RBBP8: variants seen among roughly 807,000 people sequenced by gnomAD.
The protein encoded by RBBP8 is DNA endonuclease RBBP8.
Under a neutral mutation model 108.3 loss-of-function variants are expected in RBBP8, and 88 were observed. The ratio of observed to expected loss-of-function variants is 0.81; its 90% CI spans 0.68 to 0.97. The LOEUF (loss-of-function observed/expected upper bound fraction) is 0.97, where lower values mean the gene tolerates loss of function less well. Among genes scored for constraint, RBBP8 ranks in the 50% least tolerant of loss-of-function variants. The pLI is 0.00. For synonymous variants in RBBP8, 332 were observed against 348.2 expected, an observed-to-expected ratio of 0.95 and a Z score of 0.52; for missense variants, 1,023 against 1,049.0, an observed-to-expected ratio of 0.98 and a Z score of 0.34.
Position 22,997,685 on chromosome 18 carries a change from C to G in RBBP8, c.2094C>G (p.Thr698=). ...VDMDCTLVSE[T]VLLKMKKQEQ... ...TGGACTGTACATTGGTTAGTGAAAC[C>G]GTTCTCTTAAAAATGAAGAAGCAAG... Residue 698 remains threonine, a synonymous_variant, in exon 14 of 19, where the codon ACC becomes ACG. Coordinates refer to ENST00000327155, the MANE Select transcript of RBBP8 (RefSeq NM_002894.3). The G allele has an allele frequency of 6.2e-7, 1 of 1,609,416 alleles. No homozygotes were observed. The highest frequency in any genetic ancestry group is 2.2e-5 in the East Asian group (1 of 44,704).
intron 5 of RBBP8, among the ~76,000 whole-genome samples, chr18:22,974,938 A>G (rs1567971379): frequency 6.6e-6 from 1 of 152,182 alleles, no homozygotes; most frequent in African/African-American, 2.4e-5. Context: ...TTATCAGTTA[A>G]TCAGTTACAT....
chr18:22,969,156 A>G (rs1913877014), intron 5 of RBBP8, among the ~76,000 whole-genome samples: 1 of 151,812 alleles, frequency 6.6e-6, no homozygotes, highest in Admixed American at 6.6e-5. Flanking sequence ...CATCAGTTGT[A>G]AGACAAGAAG....
chr18:23,022,078 C>A, intron 17 of RBBP8, 51 bp from the exon 18 acceptor site: 1 of 1,404,642 alleles, frequency 7.1e-7, no homozygotes. Context: ...ATAAGCATAA[C>A]ACTCCATTTA....
intron 1 of RBBP8, 80 bp from the exon 2 acceptor site, chr18:22,936,674 C>T (rs1015459982): frequency 6.1e-6 from 4 of 660,622 alleles, no homozygotes; most frequent in Non-Finnish European, 1.0e-5. Flanking sequence ...ATGAGGATAT[C>T]TGGGCTTGTG....
intron 2 of RBBP8, among the ~76,000 whole-genome samples, chr18:22,941,977 T>C (rs1911119573): frequency 6.6e-6 from 1 of 152,152 alleles, no homozygotes. Context: ...GTTTGGGCCA[T>C]GCCTTCGTCA....
chr18:22,968,945 T>G (rs760434548), intron 5 of RBBP8, 27 bp downstream of exon 5: 1 of 1,502,876 alleles, frequency 6.7e-7, no homozygotes, highest in Non-Finnish European at 9.2e-7. Flanking sequence ...CATTTATTAT[T>G]TAAAGTATGT....
At chr18:22,941,728 AG>A (rs1911099725) in intron 2 of RBBP8, among the ~76,000 whole-genome samples, 1 of 152,046 alleles carries the variant, frequency 6.6e-6, no homozygotes, top group African/African-American at 2.4e-5. Flanking sequence ...TTCCCACAAA[AG>A]TTTCTATACT....
intron 3 of RBBP8, among the ~76,000 whole-genome samples, chr18:22,923,183 C>A (rs1263012037): frequency 1.3e-5 from 2 of 152,074 alleles, no homozygotes; most frequent in Non-Finnish European, 2.9e-5. Flanking sequence ...TATCAACAAT[C>A]CTGCAAAACA....
intron 12 of RBBP8, among the ~76,000 whole-genome samples, chr18:22,995,663 T>C (rs1332675578): frequency 1.3e-5 from 2 of 152,248 alleles, no homozygotes; most frequent in African/African-American, 4.8e-5. Flanking sequence ...TCGTTTAATA[T>C]ATGATCTTTT....
At chr18:22,984,094 A>G (rs567439855) in intron 7 of RBBP8, among the ~76,000 whole-genome samples, 2 of 152,026 alleles carry the variant, frequency 1.3e-5, no homozygotes, top group Non-Finnish European at 2.9e-5. Flanking sequence ...AATAATAATA[A>G]TAATAATAAT....
At chr18:22,925,039 C>T (rs1392686167) in intron 3 of RBBP8, among the ~76,000 whole-genome samples, 1 of 151,918 alleles carries the variant, frequency 6.6e-6, no homozygotes, top group African/African-American at 2.4e-5. Flanking sequence ...AACACTGAAC[C>T]CAGCTAGATT....
intron 2 of RBBP8, among the ~76,000 whole-genome samples, chr18:22,945,063 A>G (rs543537124): frequency 2.0e-5 from 3 of 146,410 alleles, no homozygotes; most frequent in African/African-American, 7.4e-5. Context: ...GTGAACTACC[A>G]AAGGCATATA....
At chr18:22,967,445 A>AT (rs1913708833) in intron 4 of RBBP8, among the ~76,000 whole-genome samples, 1 of 150,890 alleles carries the variant, frequency 6.6e-6, no homozygotes, top group African/African-American at 2.4e-5. Flanking sequence ...TTTTAACTGT[A>AT]TTTTTTTCTG....
intron 18 of RBBP8, among the ~76,000 whole-genome samples, chr18:23,025,741 C>A (rs1357497213): frequency 2.0e-5 from 3 of 152,162 alleles, no homozygotes; most frequent in Admixed American, 6.5e-5. Context: ...CTATGGGAGG[C>A]AGAATAGGAA....
intron 7 of RBBP8, 89 bp from the exon 8 acceptor site, chr18:22,984,797 A>G (rs1175795246): frequency 5.2e-5 from 39 of 757,236 alleles, no homozygotes; most frequent in Non-Finnish European, 7.6e-5. Flanking sequence ...ATACATAAAA[A>G]TTTTAAATAT....
chr18:23,000,390 A>T (rs1021612500), intron 14 of RBBP8, among the ~76,000 whole-genome samples: 1 of 152,190 alleles, frequency 6.6e-6, no homozygotes, highest in Admixed American at 6.5e-5. Context: ...GTAATACTAA[A>T]CTACCAGATG....
At chr18:23,020,496 A>C (rs190082726) in intron 17 of RBBP8, among the ~76,000 whole-genome samples, 47 of 152,304 alleles carry the variant, frequency 3.1e-4, no homozygotes, top group Non-Finnish European at 5.6e-4. Context: ...TTGTACAGAA[A>C]GTACATACAG....
intron 7 of RBBP8, among the ~76,000 whole-genome samples, chr18:22,983,904 AC>A (rs1329198356): frequency 7.3e-6 from 1 of 137,136 alleles, no homozygotes; most frequent in Non-Finnish European, 1.7e-5. Flanking sequence ...ACATGGTGAA[AC>A]CCTGTATGTA....
chr18:22,935,566 A>G (rs1910496439), intron 1 of RBBP8, among the ~76,000 whole-genome samples: 1 of 152,158 alleles, frequency 6.6e-6, no homozygotes, highest in South Asian at 2.1e-4. Flanking sequence ...GGCTTCACAT[A>G]TACTCCTGCT....
Sources: allele counts gnomAD v4.1 joint callset (sites outside exome capture counted in the v4.1 genomes callset), GRCh38; gene constraint gnomAD v4.1.1; transcripts MANE v1.5; gene names NCBI Gene and HGNC (gene_info 2026-07-23, HGNC 2026-07-21).